The following LDLRAD3 variants were observed in gnomAD, a reference collection of about 807,000 sequenced individuals.
LDLRAD3 encodes the protein low density lipoprotein receptor class A domain containing 3.
In LDLRAD3, 20 loss-of-function variants were observed where a neutral mutation model predicts 29.4. That is an observed-to-expected ratio of 0.68 (90% CI 0.48 to 0.99). The LOEUF is 0.99. LDLRAD3 is among the 50% of genes least tolerant of loss of function. LDLRAD3 has a pLI of 0.00. For missense variants in LDLRAD3, 420 were observed against 454.3 expected, an observed-to-expected ratio of 0.92 and a Z score of 0.69; for synonymous variants, 157 against 192.7, an observed-to-expected ratio of 0.81 and a Z score of 1.53.
At chr11:36,028,479 G>A (rs1852195039) in intron 1 of LDLRAD3, among the ~76,000 whole-genome samples, 2 of 152,050 alleles carry the variant, frequency 1.3e-5, no homozygotes, top group South Asian at 2.1e-4. Context: ...AGTGCAGGGA[G>A]TCGGTTGGCA....
At chr11:36,226,438 T>C (rs1855499400) in intron 4 of LDLRAD3, among the ~76,000 whole-genome samples, 1 of 152,246 alleles carries the variant, frequency 6.6e-6, no homozygotes, top group Non-Finnish European at 1.5e-5. Flanking sequence ...AGGTGTGTTA[T>C]ACATTTCTAC....
At chr11:35,994,212 G>GTATA (rs907255179) in intron 1 of LDLRAD3, among the ~76,000 whole-genome samples, 2 of 151,562 alleles carry the variant, frequency 1.3e-5, no homozygotes, top group Non-Finnish European at 2.9e-5. Flanking sequence ...TGGTTTCCTA[G>GTATA]TATATATAAA....
chr11:36,067,240 T>C (rs1159581010), intron 2 of LDLRAD3, among the ~76,000 whole-genome samples: 1 of 152,178 alleles, frequency 6.6e-6, no homozygotes, highest in Non-Finnish European at 1.5e-5. Context: ...TAATTAAGCA[T>C]CCACTGCTGG....
At chr11:36,105,605 C>T (rs577204040) in intron 4 of LDLRAD3, among the ~76,000 whole-genome samples, 2 of 151,848 alleles carry the variant, frequency 1.3e-5, no homozygotes, top group Admixed American at 1.3e-4. Flanking sequence ...TGGACACCGA[C>T]ATCACACAGA....
chr11:36,165,976 C>CCCTCCCTCCCTCCCTCCCTTCCTT (rs1417261911), intron 4 of LDLRAD3, among the ~76,000 whole-genome samples: 1 of 101,406 alleles, frequency 9.9e-6, no homozygotes, highest in East Asian at 4.5e-4. Flanking sequence ...CTCCCTCCCT[C>CCCTCCCTCCCTCCCTCCCTTCCTT]CCTTCCTTCC....
chr11:36,204,965 C>A (rs548680519), intron 4 of LDLRAD3, among the ~76,000 whole-genome samples: 1 of 152,164 alleles, frequency 6.6e-6, no homozygotes, highest in South Asian at 2.1e-4. Flanking sequence ...AGGCTGGAGC[C>A]GCCTATTCTT....
chr11:36,114,287 T>C (rs1253260435), intron 4 of LDLRAD3, among the ~76,000 whole-genome samples: 1 of 152,118 alleles, frequency 6.6e-6, no homozygotes, highest in Non-Finnish European at 1.5e-5. Flanking sequence ...TCAAGTGAAA[T>C]GGGTCGAGCT....
chr11:36,017,216 T>A (rs1297695356), intron 1 of LDLRAD3, among the ~76,000 whole-genome samples: 2 of 152,234 alleles, frequency 1.3e-5, no homozygotes, highest in Non-Finnish European at 2.9e-5. Flanking sequence ...AAAATTGCCC[T>A]GTTGGATGAG....
chr11:36,222,275 G>T (rs1855439630), intron 4 of LDLRAD3, among the ~76,000 whole-genome samples: 1 of 151,944 alleles, frequency 6.6e-6, no homozygotes, highest in Non-Finnish European at 1.5e-5. Flanking sequence ...GCAGAGACAG[G>T]GTCTCCCTAT....
chr11:36,174,226 AAGACTTAAATGTT>A, intron 4 of LDLRAD3, among the ~76,000 whole-genome samples: 1 of 152,376 alleles, frequency 6.6e-6, no homozygotes, highest in East Asian at 1.9e-4. Context: ...AGATGGATTA[AAGACTTAAATGTT>A]AGACCTAAAA....
At chr11:36,029,038 A>G (rs1407972236) in intron 1 of LDLRAD3, among the ~76,000 whole-genome samples, 2 of 152,172 alleles carry the variant, frequency 1.3e-5, no homozygotes, top group African/African-American at 4.8e-5. Flanking sequence ...GGGTCAGGAG[A>G]TCGAGACCAT....
intron 1 of LDLRAD3, among the ~76,000 whole-genome samples, chr11:35,959,528 C>T (rs11033345): frequency 0.36 from 54,893 of 151,970 alleles, 10,185 homozygotes; most frequent in East Asian, 0.58. Flanking sequence ...TTCCGAATAG[C>T]GTAAAAGATC....
rs113910947 is a variant in LDLRAD3, at chr11:36,029,899, A to G, written c.47-6204A>G. On this transcript the variant is annotated intron_variant, in intron 1 of 5. Transcript: ENST00000315571. ...ACTATCCCGGTGACTGGCTCCATCCATCAGTTGTTCCTGCTGCAGAATTGC... is the reference window on the plus strand; with the variant it reads ...ACTATCCCGGTGACTGGCTCCATCCGTCAGTTGTTCCTGCTGCAGAATTGC... 1.9e-3 allele frequency among the ~76,000 whole-genome samples: 286 copies of G among 152,312 alleles called. 1 individual carries two copies. The highest frequency in any genetic ancestry group is 6.6e-3 in the African/African-American group (275 of 41,566).
At chr11:36,003,330 C>T (rs1000540298) in intron 1 of LDLRAD3, among the ~76,000 whole-genome samples, 2 of 152,166 alleles carry the variant, frequency 1.3e-5, no homozygotes, top group Non-Finnish European at 2.9e-5. Flanking sequence ...CAGATTTTGC[C>T]ACTGTGAATG....
chr11:36,163,074 T>C (rs1197585337), intron 4 of LDLRAD3, among the ~76,000 whole-genome samples: 1 of 152,218 alleles, frequency 6.6e-6, no homozygotes, highest in Non-Finnish European at 1.5e-5. Flanking sequence ...GGGTAAACTC[T>C]AGGGGCTAAA....
At position 36,089,431 on chromosome 11, in the gene LDLRAD3, A is replaced by AT. The variant is rs34553102; in HGVS notation, c.319+7668dup. 1.7e-3 allele frequency among the ~76,000 whole-genome samples: 246 copies of AT among 146,352 alleles called. 1 individual carries two copies. The highest frequency in any genetic ancestry group is 2.9e-3 in the Non-Finnish European group (195 of 66,426). ...TTATATGAATGTGTATTCCCAATAC[A>AT]TTTTTTTTTTTTTTTGAGATGGAGT... On this transcript the variant is annotated intron_variant, in intron 3 of 5. Transcript: ENST00000315571.
chr11:36,133,775 G>A (rs1437238186), intron 4 of LDLRAD3, among the ~76,000 whole-genome samples: 1 of 143,484 alleles, frequency 7.0e-6, no homozygotes, highest in Admixed American at 7.0e-5. Flanking sequence ...CTGACCTTGT[G>A]ATCCGCCTGC....
intron 4 of LDLRAD3, among the ~76,000 whole-genome samples, chr11:36,115,812 G>A (rs532886766): frequency 2.0e-5 from 3 of 152,306 alleles, no homozygotes; most frequent in Non-Finnish European, 4.4e-5. Context: ...CCTGTGCTAG[G>A]CATGGAGGAT....
intron 4 of LDLRAD3, among the ~76,000 whole-genome samples, chr11:36,180,185 G>A (rs961905029): frequency 6.6e-6 from 1 of 151,980 alleles, no homozygotes; most frequent in South Asian, 2.1e-4. Context: ...TTAGTTGAAG[G>A]TCTCTTCCAT....
Sources: gnomAD v4.1 joint callset for allele counts (sites outside exome capture counted in the v4.1 genomes callset) on GRCh38, gnomAD v4.1.1 for gene constraint, MANE v1.5 for transcripts, NCBI Gene and HGNC (gene_info 2026-07-23, HGNC 2026-07-21) for gene names.